Variants in DOCK8 observed in about 807,000 individuals in gnomAD.
The protein encoded by DOCK8 is dedicator of cytokinesis protein 8.
In DOCK8, 141 loss-of-function variants were observed where a neutral mutation model predicts 245.6. The observed-to-expected ratio is 0.57, with a 90% CI of 0.50 to 0.66. The LOEUF (loss-of-function observed/expected upper bound fraction) is 0.66, where lower values mean the gene tolerates loss of function less well. Ranked by LOEUF, DOCK8 falls within the 30% of genes least tolerant of loss-of-function variation. The pLI is 0.00. For missense variants in DOCK8, 2,965 were observed against 2,603.4 expected, an observed-to-expected ratio of 1.14 and a Z score of -3.02; for synonymous variants, 1,168 against 970.2, an observed-to-expected ratio of 1.20 and a Z score of -3.79.
In DOCK8 at chr9:446,621, G is replaced by A; in HGVS notation, c.5817+15G>A. The A allele has an allele frequency of 6.2e-7, 1 of 1,613,122 alleles. No individual in the cohort carries two copies. Among genetic ancestry groups the A allele is most frequent in the African/African-American group, 1.3e-5 (1 of 74,982 alleles). On this transcript the variant is annotated intron_variant, in intron 44 of 47. Transcript: ENST00000432829. The stretch of plus-strand genomic sequence containing the variant: ...AGAAGGAGGAGGTAATGCACCCAAG[G>A]GATTGGCCACCACTGGATGAGTGGG...
At chr9:269,682 A>C (rs1293078722) in intron 1 of DOCK8, among the ~76,000 whole-genome samples, 2 of 151,292 alleles carry the variant, frequency 1.3e-5, no homozygotes, top group Non-Finnish European at 2.9e-5. Flanking sequence ...CAGCCTCCCA[A>C]GTAGCTGGGA....
At chr9:219,521 A>T (rs2046837268) in intron 1 of DOCK8, among the ~76,000 whole-genome samples, 1 of 152,204 alleles carries the variant, frequency 6.6e-6, no homozygotes, top group South Asian at 2.1e-4. Context: ...AGGCATAATA[A>T]TCATCACCAG....
At chr9:215,452 T>C in intron 1 of DOCK8, 1 of 1,493,614 alleles carries the variant, frequency 6.7e-7, no homozygotes, top group Non-Finnish European at 8.9e-7. Context: ...GTGAAGTGGC[T>C]GAAATTAGAG....
chr9:419,065 G>A (rs908210185), intron 30 of DOCK8, among the ~76,000 whole-genome samples: 1 of 152,164 alleles, frequency 6.6e-6, no homozygotes, highest in African/African-American at 2.4e-5. Context: ...CAGTTGAGGT[G>A]GGATTCATCT....
chr9:405,033 A>C lies in DOCK8; in HGVS notation c.3350A>C (p.Asp1117Ala), dbSNP rs1427949593. 19 of 1,613,966 alleles carry C rather than the reference A, an allele frequency of 1.2e-5. No individual in the cohort carries two copies. The highest frequency in any genetic ancestry group is 1.7e-6 in the Non-Finnish European group (2 of 1,179,942). Residue 1117 changes from aspartate to alanine, a missense_variant, in exon 27 of 48, where the codon GAT (aspartate) becomes GCT (alanine). Transcript: ENST00000432829. ...LNLNLFFMNA[D>A]TAPTSPCPSI... ...CTGAACCTTTTTTTTATGAATGCTG[A>C]TACTGCTCCAACATCTCCTTGTCCT...
intron 24 of DOCK8, among the ~76,000 whole-genome samples, chr9:395,007 G>A (rs1375779329): frequency 6.6e-6 from 1 of 152,334 alleles, no homozygotes; most frequent in South Asian, 2.1e-4. Flanking sequence ...GGGATGGTTA[G>A]CCTGCCCAGA....
intron 14 of DOCK8, among the ~76,000 whole-genome samples, chr9:363,896 G>A (rs1005078405): frequency 6.6e-6 from 1 of 152,160 alleles, no homozygotes; most frequent in South Asian, 2.1e-4. Flanking sequence ...CAAGTGTGGT[G>A]AGAGCAGTCT....
chr9:357,202 T>C (rs1586787504), intron 14 of DOCK8, among the ~76,000 whole-genome samples: 1 of 152,238 alleles, frequency 6.6e-6, no homozygotes, highest in East Asian at 1.9e-4. Flanking sequence ...CTTTTACTTA[T>C]CTCATAGAAA....
At chr9:229,583 A>G (rs1350496474) in intron 1 of DOCK8, among the ~76,000 whole-genome samples, 1 of 152,186 alleles carries the variant, frequency 6.6e-6, no homozygotes. Context: ...GCAGGATTTG[A>G]GGCTAAATTA....
At position 367,319 on chromosome 9, in the gene DOCK8, G is replaced by A. The variant is rs116939125; in HGVS notation, c.1680-699G>A. 1.7e-3 allele frequency among the ~76,000 whole-genome samples: 263 copies of A among 152,206 alleles called. 7 individuals are homozygous for A. In the East Asian group the frequency reaches 0.048, roughly 28 times the overall value. ...GTGTCCTAGGCACTGTTCTAGTGCT[G>A]GAGATACATCAGTGAATCAAAAACA... On this transcript the variant is annotated intron_variant, in intron 14 of 47. Coordinates refer to ENST00000432829, the MANE Select transcript of DOCK8 (RefSeq NM_203447.4).
At chr9:381,387 A>T (rs1403772867) in intron 21 of DOCK8, 3 of 152,168 alleles carry the variant, frequency 2.0e-5, no homozygotes, top group African/African-American at 2.4e-5. Flanking sequence ...AATAATATAT[A>T]TCCAATGGCA....
Position 464,538 on chromosome 9 carries a change from T to A in DOCK8, c.*319T>A. 2 of 438,930 alleles carry A rather than the reference T, an allele frequency of 4.6e-6. No individual in the cohort carries two copies. The highest frequency in any genetic ancestry group is 4.8e-5 in the South Asian group (2 of 41,460). 27.2% of individuals were successfully genotyped at this position (438,930 alleles called of 1,614,324 possible). ...CTGCTGACTGGCCAATCACTGCCCA[T>A]CTGAGAGATGATTTCCTCTGGCCCA... On this transcript the variant is annotated 3_prime_UTR_variant, in exon 48 of 48. Transcript: ENST00000432829.
intron 10 of DOCK8, among the ~76,000 whole-genome samples, chr9:333,571 AG>A (rs2051153229): frequency 6.6e-6 from 1 of 151,448 alleles, no homozygotes; most frequent in African/African-American, 2.4e-5. Flanking sequence ...ACTGCACTCC[AG>A]CCTGGGTGAC....
Position 363,444 on chromosome 9 carries a change from T to C in DOCK8, c.1680-4574T>C, listed in dbSNP as rs146074290. Among the ~76,000 whole-genome samples, 585 of 152,366 alleles carry C rather than the reference T, an allele frequency of 3.8e-3. 3 individuals carry two copies. Among genetic ancestry groups the C allele is most frequent in the Non-Finnish European group, 6.3e-3 (428 of 68,028 alleles). On this transcript the variant is annotated intron_variant, in intron 14 of 47. Coordinates refer to ENST00000432829, the MANE Select transcript of DOCK8 (RefSeq NM_203447.4). ...TCGTTAATCATTATTTTTATCTGGC[T>C]TGGGCTCTGGGTTACTGGCCATGCA... is the stretch of plus-strand genomic sequence containing the variant.
At chr9:325,784 A>T (rs369700857) in intron 8 of DOCK8, 47 bp downstream of exon 8, 2 of 1,498,820 alleles carry the variant, frequency 1.3e-6, no homozygotes, top group East Asian at 4.6e-5. Flanking sequence ...TATATTGTTC[A>T]TGATTCTTTG....
intron 5 of DOCK8, among the ~76,000 whole-genome samples, chr9:306,443 C>T (rs1031403370): frequency 6.6e-6 from 1 of 152,118 alleles, no homozygotes; most frequent in African/African-American, 2.4e-5. Flanking sequence ...AATTGTTCCT[C>T]TTAATGTTAG....
intron 1 of DOCK8, among the ~76,000 whole-genome samples, chr9:244,064 T>C (rs1471106171): frequency 1.3e-5 from 2 of 151,744 alleles, no homozygotes; most frequent in Admixed American, 1.3e-4. Flanking sequence ...GGCGACCGCT[T>C]GTAGTCCCAG....
chr9:325,788 T>C, intron 8 of DOCK8, 51 bp downstream of exon 8: 2 of 1,473,794 alleles, frequency 1.4e-6, no homozygotes, highest in Non-Finnish European at 1.9e-6. Context: ...TTGTTCATGA[T>C]TCTTTGCATG....
intron 18 of DOCK8, among the ~76,000 whole-genome samples, chr9:374,341 G>T (rs1337103610): frequency 1.3e-5 from 2 of 151,606 alleles, no homozygotes; most frequent in African/African-American, 4.8e-5. Flanking sequence ...AAAACTTCAT[G>T]GGGAAAAATG....
Sources: gnomAD v4.1 joint callset for allele counts (sites outside exome capture counted in the v4.1 genomes callset) on GRCh38, gnomAD v4.1.1 for gene constraint, MANE v1.5 for transcripts, NCBI Gene and HGNC (gene_info 2026-07-23, HGNC 2026-07-21) for gene names.